Variants in PIK3CD observed in about 807,000 individuals in gnomAD.
The protein encoded by PIK3CD is phosphatidylinositol-4,5-bisphosphate 3-kinase catalytic subunit delta, also known as phosphatidylinositol 4,5-bisphosphate 3-kinase catalytic subunit delta isoform.
In PIK3CD, 20 loss-of-function variants were observed where a neutral mutation model predicts 122.9. The observed-to-expected ratio is 0.16, with a 90% CI of 0.11 to 0.24. The LOEUF (loss-of-function observed/expected upper bound fraction) is 0.24, where lower values mean the gene tolerates loss of function less well. Ranked by LOEUF, PIK3CD falls within the 10% of genes least tolerant of loss-of-function variation. PIK3CD has a pLI of 1.00. For missense variants in PIK3CD, 787 were observed against 1,406.3 expected (o/e 0.56, Z 7.04); for synonymous variants, 596 against 593.4 (o/e 1.00, Z -0.06).
chr1:9,685,756 AGCCTCAAACTCAAGCGATCCTCCT>A (rs537388359), intron 1 of PIK3CD, among the ~76,000 whole-genome samples: 2,342 of 152,196 alleles, frequency 0.015, 49 homozygotes, highest in African/African-American at 0.046. Context: ...AGCGCACTGC[AGCCTCAAACTCAAGCGATCCTCCT>A]GCCTCAAACT....
At chr1:9,694,409 C>T (rs901514701) in intron 2 of PIK3CD, among the ~76,000 whole-genome samples, 1 of 152,232 alleles carries the variant, frequency 6.6e-6, no homozygotes, top group African/African-American at 2.4e-5. Flanking sequence ...TGGCGCGTGC[C>T]TGTAATCCCA....
Position 9,689,725 on chromosome 1 carries a change from C to A in PIK3CD, c.-137-1742C>A, listed in dbSNP as rs1177635050. ...CCGCCCCCGGCAGCGACACCCGGTA[C>A]GGAGCCCACCTGTGCGGGCGTCTGC... On this transcript the variant is annotated intron_variant, in intron 1 of 23. Coordinates refer to ENST00000377346, the MANE Select transcript of PIK3CD (RefSeq NM_005026.5). This position sits in a 1 kb window ranked among gnomAD's most constrained non-coding sequence, Gnocchi z 6.1. Among the ~76,000 whole-genome samples the A allele has an allele frequency of 6.6e-6, 1 of 151,754 alleles. No homozygotes were observed. The highest frequency in any genetic ancestry group is 1.5e-5 in the Non-Finnish European group (1 of 67,828).
Position 9,702,500 on chromosome 1 carries a change from C to CTTTTTTTTTTTTTTTTTTT in PIK3CD, c.-32-7905_-32-7887dup. On this transcript the variant is annotated intron_variant, in intron 2 of 23. Coordinates refer to ENST00000377346, the MANE Select transcript of PIK3CD (RefSeq NM_005026.5). ...GTCCACTTCCAAGGAAAGAACTTTC[C>CTTTTTTTTTTTTTTTTTTT]TTTTTTTTTTTTTTTTTTTTTTTTT... 4.6e-3 allele frequency among the ~76,000 whole-genome samples: 120 copies of CTTTTTTTTTTTTTTTTTTT among 25,826 alleles called. 48 individuals are homozygous for CTTTTTTTTTTTTTTTTTTT. The highest frequency in any genetic ancestry group is 0.01 in the Non-Finnish European group (99 of 9,538). The allele number at this position is 25,826 out of a possible 152,430, so 16.9% of individuals were successfully genotyped here.
intron 1 of PIK3CD, among the ~76,000 whole-genome samples, chr1:9,669,179 C>A (rs1191861329): frequency 6.6e-6 from 1 of 152,084 alleles, no homozygotes; most frequent in African/African-American, 2.4e-5. Context: ...TTCTAATTAA[C>A]TTTTTTTGAG....
At chr1:9,721,737 C>G (rs763147939) in intron 15 of PIK3CD, 24 bp from the exon 16 acceptor site, 2 of 1,611,264 alleles carry the variant, frequency 1.2e-6, no homozygotes, top group East Asian at 4.5e-5. Context: ...CCTGGTGAGG[C>G]TCAGCCCTCC....
At position 9,720,349 on chromosome 1, in the gene PIK3CD, C is replaced by T; in HGVS notation, c.1470+107C>T. The T allele has an allele frequency of 7.0e-7, 1 of 1,436,572 alleles. No individual in the cohort carries two copies. The highest frequency in any genetic ancestry group is 9.3e-7 in the Non-Finnish European group (1 of 1,070,160). 89.0% of individuals were successfully genotyped at this position (1,436,572 alleles called of 1,614,324 possible). ...GCTCCCTGGCCACGTCGGGGCTGGGCTACCAGGCATATCTGGGGCCTTCCC... is the reference window on the plus strand; with the variant it reads ...GCTCCCTGGCCACGTCGGGGCTGGGTTACCAGGCATATCTGGGGCCTTCCC... On this transcript the variant is annotated intron_variant, in intron 11 of 23. Coordinates refer to ENST00000377346, the MANE Select transcript of PIK3CD (RefSeq NM_005026.5). The surrounding 1 kb of genome is among the most constrained non-coding windows in gnomAD (Gnocchi z 9.0).
chr1:9,674,229 G>A (rs12568084), intron 1 of PIK3CD, among the ~76,000 whole-genome samples: 13,703 of 152,264 alleles, frequency 0.09, 1,243 homozygotes, highest in East Asian at 0.51. Flanking sequence ...TTCTTTTCCC[G>A]TGGGTCCTGT....
chr1:9,726,368 G>C (rs569590231), intron 23 of PIK3CD, among the ~76,000 whole-genome samples: 8 of 151,932 alleles, frequency 5.3e-5, no homozygotes, highest in Admixed American at 4.6e-4. Context: ...AATTAGCCAG[G>C]TGTGGTGGCG....
the PIK3CD span, among the ~76,000 whole-genome samples, chr1:9,630,740 G>GTGTGTA: frequency 8.7e-6 from 1 of 114,478 alleles, no homozygotes; most frequent in African/African-American, 3.2e-5. Context: ...GTGTGTGTGT[G>GTGTGTA]CAGAAGAGGG....
intron 2 of PIK3CD, among the ~76,000 whole-genome samples, chr1:9,703,809 G>T (rs918409880): frequency 6.6e-6 from 1 of 152,146 alleles, no homozygotes; most frequent in Admixed American, 6.6e-5. Context: ...CATGAATAGT[G>T]ATGCCATAGA....
At chr1:9,643,797 A>G in the PIK3CD span, among the ~76,000 whole-genome samples, 14 of 152,236 alleles carry the variant, frequency 9.2e-5, no homozygotes, top group African/African-American at 3.4e-4. Context: ...CCACAGTGGC[A>G]GGGCCAGGCA....
chr1:9,667,808 C>T (rs1385790877), intron 1 of PIK3CD, among the ~76,000 whole-genome samples: 6 of 149,524 alleles, frequency 4.0e-5, no homozygotes, highest in South Asian at 2.1e-4. Context: ...GCAATCACAG[C>T]TTATTGCAGC....
At position 9,689,031 on chromosome 1, in the gene PIK3CD, T is replaced by C. The variant is rs1457919325; in HGVS notation, c.-137-2436T>C. Among the ~76,000 whole-genome samples the C allele has an allele frequency of 6.6e-6, 1 of 152,206 alleles. No individual in the cohort carries two copies. Among genetic ancestry groups the C allele is most frequent in the East Asian group, 1.9e-4 (1 of 5,192 alleles). On this transcript the variant is annotated intron_variant, in intron 1 of 23. Transcript: ENST00000377346. This position sits in a 1 kb window ranked among gnomAD's most constrained non-coding sequence, Gnocchi z 6.1. ...ATCAGCTAGGGAACAGCCAGCAGGC[T>C]GGATTTGAGCCCAGAGCCCGGGCTG...
upstream of PIK3CD, among the ~76,000 whole-genome samples, chr1:9,648,932 C>G (rs1279216066): frequency 2.0e-5 from 3 of 152,240 alleles, no homozygotes; most frequent in African/African-American, 7.2e-5. Context: ...GAAACCTCGT[C>G]TCTACTAAAA....
chr1:9,678,632 A>G (rs1645629520), intron 1 of PIK3CD, among the ~76,000 whole-genome samples: 2 of 152,192 alleles, frequency 1.3e-5, no homozygotes, highest in African/African-American at 2.4e-5. Context: ...AGGACTGTTT[A>G]GGTCCAACCT....
In PIK3CD at chr1:9,707,211, G is replaced by A. The variant is rs188624202; in HGVS notation, c.-32-3213G>A. 3.1e-4 allele frequency among the ~76,000 whole-genome samples: 47 copies of A among 151,948 alleles called. 1 individual carries two copies. Among genetic ancestry groups the A allele is most frequent in the Middle Eastern group, 6.8e-3 (2 of 294 alleles). ...GGCAACACTCAGCACTCTCCGATGAGCACAAGGGGATGGATTCAAGAACAT... is the reference window on the plus strand; with the variant it reads ...GGCAACACTCAGCACTCTCCGATGAACACAAGGGGATGGATTCAAGAACAT... On this transcript the variant is annotated intron_variant, in intron 2 of 23. Coordinates refer to ENST00000377346, the MANE Select transcript of PIK3CD (RefSeq NM_005026.5).
At chr1:9,666,223 C>T (rs896814182) in intron 1 of PIK3CD, among the ~76,000 whole-genome samples, 13 of 117,158 alleles carry the variant, frequency 1.1e-4, no homozygotes, top group African/African-American at 1.6e-4. Flanking sequence ...CCACCGCGCC[C>T]GGTCTTTTTT....
intron 1 of PIK3CD, among the ~76,000 whole-genome samples, chr1:9,656,002 A>C (rs1644845907): frequency 6.6e-6 from 1 of 152,026 alleles, no homozygotes; most frequent in Non-Finnish European, 1.5e-5. Context: ...CGGCCTTCCT[A>C]TTACATTCTG....
the PIK3CD span, among the ~76,000 whole-genome samples, chr1:9,638,662 G>A: frequency 6.7e-6 from 1 of 150,050 alleles, no homozygotes; most frequent in Non-Finnish European, 1.5e-5. Flanking sequence ...AACCCGGGAG[G>A]CGGAGCTTGC....
Sources: gnomAD v4.1 joint callset for allele counts (sites outside exome capture counted in the v4.1 genomes callset) on GRCh38, gnomAD v4.1.1 for gene constraint, Gnocchi (gnomAD v3.1) non-coding constraint, MANE v1.5 for transcripts, NCBI Gene and HGNC (gene_info 2026-07-23, HGNC 2026-07-21) for gene names.